AGBL3: variants seen among roughly 807,000 people sequenced by gnomAD.
AGBL3 encodes cytosolic carboxypeptidase 3.
AGBL3 carries 68 observed loss-of-function variants against 94.5 expected under a neutral mutation model. The observed-to-expected ratio is 0.72, with a 90% CI of 0.59 to 0.88. The LOEUF is 0.88. Among genes scored for constraint, AGBL3 ranks in the 40% least tolerant of loss-of-function variants. The probability of loss-of-function intolerance (pLI) is 0.00; values close to 1 mark genes in which losing one functional copy is unlikely to be tolerated. For missense variants in AGBL3, 934 were observed against 1,103.8 expected (o/e 0.85, Z 2.18); for synonymous variants, 354 against 370.7 (o/e 0.95, Z 0.52).
intron 15 of AGBL3, chr7:135,092,941 A>C (rs368330814): frequency 3.3e-5 from 5 of 152,062 alleles, no homozygotes; most frequent in Admixed American, 2.6e-4. Context: ...GGTCATCTCA[A>C]TAGATGCAGA....
rs145884767 is a variant in AGBL3 at position 135,058,388 on chromosome 7, A to G, written c.1842-781A>G. On this transcript the variant is annotated intron_variant, in intron 11 of 16. Transcript: ENST00000436302. ...ATTAAATGATTACAATTAGAAACAG[A>G]TTTGTTTGACCCTTTTTTCTTGAGG... is the stretch of plus-strand genomic sequence containing the variant. Among the ~76,000 whole-genome samples the G allele has an allele frequency of 7.5e-4, 114 of 152,234 alleles. 1 individual carries two copies. The East Asian group carries it at 0.021, about 28-fold the overall frequency.
intron 4 of AGBL3, chr7:135,010,698 T>A (rs192959098): frequency 6.6e-6 from 1 of 152,328 alleles, no homozygotes; most frequent in East Asian, 1.9e-4. Flanking sequence ...TTTTTCCTGT[T>A]ATTGCAACTT....
intron 11 of AGBL3, among the ~76,000 whole-genome samples, chr7:135,055,920 G>T (rs977739784): frequency 6.6e-6 from 1 of 151,914 alleles, no homozygotes; most frequent in Non-Finnish European, 1.5e-5. Context: ...TTATCAATTC[G>T]ATTTCTTTAA....
chr7:135,003,997 C>G (rs987286208), intron 4 of AGBL3, among the ~76,000 whole-genome samples: 1 of 151,188 alleles, frequency 6.6e-6, no homozygotes, highest in African/African-American at 2.4e-5. Context: ...ATAATGTTGC[C>G]TTTATCTTAT....
At position 135,051,055 on chromosome 7, in the gene AGBL3, C is replaced by T. The variant is rs1302977817; in HGVS notation, c.1841+5144C>T. On this transcript the variant is annotated intron_variant, in intron 11 of 16. Transcript: ENST00000436302. Reference sequence around the variant, plus strand: ...CATTTTTATTGAGATGACACAAAAGCAGTATAATAAAAGGTAATGAATAAT... The same window carrying T: ...CATTTTTATTGAGATGACACAAAAGTAGTATAATAAAAGGTAATGAATAAT... The T allele has an allele frequency of 1.6e-5, 7 of 440,652 alleles. No homozygotes were observed. The Admixed American group carries it at 1.8e-4, about 11-fold the overall frequency. The allele number at this position is 440,652 out of a possible 1,614,324, so 27.3% of individuals were successfully genotyped here. A position where few individuals can be genotyped will look rare whatever the true frequency, so the allele number is the denominator to read the frequency against.
At chr7:135,058,687 T>C (rs7793904) in intron 11 of AGBL3, among the ~76,000 whole-genome samples, 141,671 of 152,194 alleles carry the variant, frequency 0.93, 66,719 homozygotes, top group Non-Finnish European at 1. Context: ...CTTTATATCT[T>C]TCCACACATT....
chr7:135,000,029 A>G (rs1225025362), intron 4 of AGBL3, among the ~76,000 whole-genome samples: 1 of 152,200 alleles, frequency 6.6e-6, no homozygotes, highest in Non-Finnish European at 1.5e-5. Flanking sequence ...CTCCAGTGGA[A>G]AAGAGACCTC....
intron 2 of AGBL3, 119 bp from the exon 3 acceptor site, chr7:134,989,131 C>T (rs1809879699): frequency 3.1e-6 from 2 of 639,436 alleles, no homozygotes; most frequent in East Asian, 3.1e-5. Flanking sequence ...TTAATTTTCT[C>T]GTTTATTAAA....
At chr7:135,087,733 G>A (rs572555938) in intron 15 of AGBL3, among the ~76,000 whole-genome samples, 10 of 151,960 alleles carry the variant, frequency 6.6e-5, no homozygotes, top group Admixed American at 4.6e-4. Flanking sequence ...AAATTATTTC[G>A]TTCCCTAACG....
intron 8 of AGBL3, among the ~76,000 whole-genome samples, chr7:135,039,986 A>G (rs1816691663): frequency 6.6e-6 from 1 of 152,078 alleles, no homozygotes. Flanking sequence ...GAGGAGGGGG[A>G]GGCAATGATG....
At chr7:134,998,723 C>T (rs549556551) in intron 4 of AGBL3, among the ~76,000 whole-genome samples, 30 of 152,290 alleles carry the variant, frequency 2.0e-4, no homozygotes, top group African/African-American at 7.2e-4. Flanking sequence ...ACACAGTCCA[C>T]CCCGTTAGGC....
chr7:135,040,812 G>C (rs1369538568), intron 8 of AGBL3, among the ~76,000 whole-genome samples: 1 of 148,134 alleles, frequency 6.8e-6, no homozygotes, highest in Non-Finnish European at 1.5e-5. Flanking sequence ...AGACAGATTG[G>C]AAAGAAGTAA....
intron 5 of AGBL3, among the ~76,000 whole-genome samples, chr7:135,025,492 C>T (rs984067119): frequency 6.6e-6 from 1 of 151,602 alleles, no homozygotes; most frequent in Non-Finnish European, 1.5e-5. Context: ...ACCACAAAAA[C>T]ATGCTTAACC....
chr7:135,133,239 G>C (rs185576613), intron 16 of AGBL3, among the ~76,000 whole-genome samples: 1 of 152,204 alleles, frequency 6.6e-6, no homozygotes, highest in African/African-American at 2.4e-5. Flanking sequence ...GGTTTTACAG[G>C]GTTTCTATGC....
intron 4 of AGBL3, chr7:135,011,646 C>T (rs1813174847): frequency 6.6e-6 from 1 of 152,256 alleles, no homozygotes; most frequent in South Asian, 2.1e-4. Flanking sequence ...GGCCAATAAA[C>T]ATATGAGATA....
At chr7:135,132,529 A>G (rs1828915700) in intron 16 of AGBL3, among the ~76,000 whole-genome samples, 1 of 152,194 alleles carries the variant, frequency 6.6e-6, no homozygotes, top group Non-Finnish European at 1.5e-5. Flanking sequence ...AATAAAGTCC[A>G]TTCTTACCAC....
At chr7:135,095,918 G>A (rs532330904) in intron 15 of AGBL3, among the ~76,000 whole-genome samples, 1 of 152,256 alleles carries the variant, frequency 6.6e-6, no homozygotes, top group East Asian at 1.9e-4. Flanking sequence ...TTGGGAGGCT[G>A]AGGCAGGCAG....
At chr7:135,101,162 A>T (rs1236572578) in intron 15 of AGBL3, 4 of 456,036 alleles carry the variant, frequency 8.8e-6, no homozygotes, top group South Asian at 6.2e-5. Context: ...CTAGGAAAAA[A>T]ATTCCCCTCA....
chr7:135,034,396 AACCC>A lies in AGBL3; in HGVS notation c.807_810del (p.Asn269LysfsTer71). On this transcript the variant is annotated frameshift_variant, in exon 7 of 17. Coordinates refer to ENST00000436302, the MANE Select transcript of AGBL3 (RefSeq NM_178563.4). LOFTEE classifies it high-confidence loss of function. ...AGACCAAATCAAGTATTATAGGAAC[AACCC>A]AGGCCAAGATGGGCGCCATTATTTC... The A allele has an allele frequency of 6.4e-7, 1 of 1,551,716 alleles. No individual in the cohort carries two copies. Among genetic ancestry groups the A allele is most frequent in the Non-Finnish European group, 8.7e-7 (1 of 1,146,996 alleles).
Sources: gnomAD v4.1 joint callset for allele counts (sites outside exome capture counted in the v4.1 genomes callset) on GRCh38, gnomAD v4.1.1 for gene constraint, MANE v1.5 for transcripts, NCBI Gene and HGNC (gene_info 2026-07-23, HGNC 2026-07-21) for gene names.